SLC24A3: variants seen among roughly 807,000 people sequenced by gnomAD.
SLC24A3 encodes solute carrier family 24 member 3.
SLC24A3 carries 28 observed loss-of-function variants against 75.8 expected under a neutral mutation model. That is an observed-to-expected ratio of 0.37 (90% confidence interval 0.27 to 0.51). The LOEUF is 0.51. SLC24A3 is among the 20% of genes least tolerant of loss of function. SLC24A3 has a pLI of 0.94. For missense variants in SLC24A3, 663 were observed against 847.8 expected, an observed-to-expected ratio of 0.78 and a Z score of 2.71; for synonymous variants, 372 against 334.1, an observed-to-expected ratio of 1.11 and a Z score of -1.24.
intron 14 of SLC24A3, among the ~76,000 whole-genome samples, chr20:19,697,859 A>G (rs965698712): frequency 6.6e-6 from 1 of 152,164 alleles, no homozygotes; most frequent in Non-Finnish European, 1.5e-5. Context: ...ATTCCTTTCC[A>G]TAAGGGTGTC....
At chr20:19,241,616 C>T (rs115723397) in intron 1 of SLC24A3, among the ~76,000 whole-genome samples, 102 of 152,322 alleles carry the variant, frequency 6.7e-4, no homozygotes, top group African/African-American at 2.4e-3. Context: ...CGGGGCGTTT[C>T]CCAAAGCCAG....
chr20:19,326,546 A>G (rs2122285909), intron 2 of SLC24A3, among the ~76,000 whole-genome samples: 1 of 151,318 alleles, frequency 6.6e-6, no homozygotes, highest in East Asian at 2.0e-4. Context: ...GAGAATTTCT[A>G]GCACATTCAG....
chr20:19,672,526 G>A (rs1054807497), intron 8 of SLC24A3, among the ~76,000 whole-genome samples: 3 of 151,996 alleles, frequency 2.0e-5, no homozygotes, highest in African/African-American at 7.3e-5. Flanking sequence ...TTCTGGAGAC[G>A]GGGTCCTGTT....
chr20:19,693,470 G>T, intron 13 of SLC24A3, 45 bp downstream of exon 13: 1 of 1,599,800 alleles, frequency 6.3e-7, no homozygotes, highest in Non-Finnish European at 8.5e-7. Flanking sequence ...TCTCTTTAGA[G>T]AATAAAGAAG....
intron 1 of SLC24A3, among the ~76,000 whole-genome samples, chr20:19,215,781 C>G (rs1033181643): frequency 1.3e-5 from 2 of 152,162 alleles, no homozygotes; most frequent in African/African-American, 4.8e-5. Context: ...TCTAACGAAA[C>G]TCAGATTTGG....
chr20:19,464,163 C>T (rs1383258091), intron 2 of SLC24A3, among the ~76,000 whole-genome samples: 1 of 152,222 alleles, frequency 6.6e-6, no homozygotes, highest in South Asian at 2.1e-4. Context: ...TTCTCGCCAA[C>T]ACTGGCTGCC....
intron 2 of SLC24A3, among the ~76,000 whole-genome samples, chr20:19,447,424 G>A (rs1987405133): frequency 6.6e-6 from 1 of 152,048 alleles, no homozygotes; most frequent in Non-Finnish European, 1.5e-5. Context: ...GGAAGGAAGG[G>A]AATACTGAAT....
intron 3 of SLC24A3, among the ~76,000 whole-genome samples, chr20:19,532,516 G>A (rs57069429): frequency 0.1 from 15,170 of 152,262 alleles, 831 homozygotes; most frequent in South Asian, 0.1. Context: ...CTATGGCAGA[G>A]CCTCCCATCA....
intron 8 of SLC24A3, among the ~76,000 whole-genome samples, chr20:19,669,466 C>T (rs2032439489): frequency 6.6e-6 from 1 of 151,236 alleles, no homozygotes; most frequent in Admixed American, 6.6e-5. Flanking sequence ...TGTGCCACTG[C>T]ACTCCAGCCT....
intron 2 of SLC24A3, among the ~76,000 whole-genome samples, chr20:19,474,883 C>T (rs1328646840): frequency 6.6e-6 from 1 of 152,118 alleles, no homozygotes; most frequent in Non-Finnish European, 1.5e-5. Context: ...ATTTCTCACT[C>T]CCCCAGCCCC....
At chr20:19,605,646 A>G (rs1033489879) in intron 6 of SLC24A3, among the ~76,000 whole-genome samples, 6 of 152,118 alleles carry the variant, frequency 3.9e-5, no homozygotes, top group Non-Finnish European at 5.9e-5. Context: ...TCTTACATCT[A>G]CCCATTGAGT....
intron 2 of SLC24A3, among the ~76,000 whole-genome samples, chr20:19,422,718 A>C (rs1986937584): frequency 6.6e-6 from 1 of 152,332 alleles, no homozygotes; most frequent in Admixed American, 6.5e-5. Flanking sequence ...GAGCAGCCAC[A>C]GCTTATAAGA....
chr20:19,396,647 A>G (rs1458648684), intron 2 of SLC24A3, among the ~76,000 whole-genome samples: 3 of 152,244 alleles, frequency 2.0e-5, no homozygotes, highest in Non-Finnish European at 4.4e-5. Context: ...GGAATGAAAC[A>G]TGATCAGTAT....
intron 2 of SLC24A3, among the ~76,000 whole-genome samples, chr20:19,468,126 G>A (rs1987800246): frequency 6.6e-6 from 1 of 152,188 alleles, no homozygotes; most frequent in African/African-American, 2.4e-5. Flanking sequence ...TGGGTCAAGA[G>A]TGACTGTAAT....
intron 2 of SLC24A3, among the ~76,000 whole-genome samples, chr20:19,364,713 C>T (rs1000565080): frequency 1.3e-5 from 2 of 152,098 alleles, no homozygotes; most frequent in Non-Finnish European, 2.9e-5. Context: ...CCTTGGTCTC[C>T]CAACATGCTG....
intron 2 of SLC24A3, among the ~76,000 whole-genome samples, chr20:19,335,569 G>A (rs530536169): frequency 6.6e-6 from 1 of 152,236 alleles, no homozygotes; most frequent in South Asian, 2.1e-4. Flanking sequence ...GTTGCAAGGG[G>A]GTTACTGGAA....
At chr20:19,502,470 T>A (rs1988398474) in intron 2 of SLC24A3, among the ~76,000 whole-genome samples, 1 of 152,034 alleles carries the variant, frequency 6.6e-6, no homozygotes, top group African/African-American at 2.4e-5. Context: ...GATAAACAGT[T>A]CAGATGCTCC....
intron 1 of SLC24A3, among the ~76,000 whole-genome samples, chr20:19,237,657 G>A (rs1453692178): frequency 4.6e-5 from 7 of 152,124 alleles, no homozygotes; most frequent in South Asian, 2.1e-4. Context: ...CTCCTGCGTC[G>A]TCATTGAATG....
At position 19,371,768 on chromosome 20, in the gene SLC24A3, A is replaced by C. The variant is rs556228685; in HGVS notation, c.271+90681A>C. Among the ~76,000 whole-genome samples the C allele has an allele frequency of 1.1e-3, 166 of 152,302 alleles. 1 individual carries two copies. Among genetic ancestry groups the C allele is most frequent in the African/African-American group, 3.8e-3 (160 of 41,566 alleles). Reference sequence around the variant, plus strand: ...CCATGTGAAGCTGAGGAAAGTCCTTAGACTCCCTGTATTCTGCAGCGTACA... The same window carrying C: ...CCATGTGAAGCTGAGGAAAGTCCTTCGACTCCCTGTATTCTGCAGCGTACA... On this transcript the variant is annotated intron_variant, in intron 2 of 16. Transcript: ENST00000328041.
Sources: gnomAD v4.1 joint callset for allele counts (sites outside exome capture counted in the v4.1 genomes callset) on GRCh38, gnomAD v4.1.1 for gene constraint, MANE v1.5 for transcripts, NCBI Gene and HGNC (gene_info 2026-07-23, HGNC 2026-07-21) for gene names.